SYT17: variants seen among roughly 807,000 people sequenced by gnomAD.
SYT17 encodes the protein synaptotagmin 17, also known as synaptotagmin-17.
Under a neutral mutation model 46.7 loss-of-function variants are expected in SYT17, and 22 were observed. The ratio of observed to expected loss-of-function variants is 0.47; its 90% CI spans 0.34 to 0.67. The LOEUF (loss-of-function observed/expected upper bound fraction) is 0.67. SYT17 is among the 30% of genes least tolerant of loss of function. SYT17 has a pLI of 0.01. For missense variants in SYT17, 519 were observed against 612.8 expected (o/e 0.85, Z 1.62); for synonymous variants, 251 against 248.4 (o/e 1.01, Z -0.10).
intron 7 of SYT17, among the ~76,000 whole-genome samples, chr16:19,231,971 AGAG>A (rs1966710240): frequency 6.6e-6 from 1 of 152,178 alleles, no homozygotes; most frequent in South Asian, 2.1e-4. Context: ...CTGTGGAGTG[AGAG>A]GAGCTGACAC....
rs1467320160 is a variant in SYT17 at position 19,184,157 on chromosome 16, G to A, written c.951+10G>A. On this transcript the variant is annotated intron_variant, in intron 5 of 7. Transcript: ENST00000355377. ...GATTCCCAGTTCTCAGGTAAGGGATGGGTTTGTGGTGTTTCCTCCTGGGAG... is the reference window on the plus strand; with the variant it reads ...GATTCCCAGTTCTCAGGTAAGGGATAGGTTTGTGGTGTTTCCTCCTGGGAG... 1 of 1,599,292 alleles carries A rather than the reference G, an allele frequency of 6.3e-7. No individual in the cohort carries two copies.
intron 1 of SYT17, chr16:19,172,452 A>G (rs936963378): frequency 2.1e-5 from 31 of 1,444,744 alleles, no homozygotes; most frequent in Non-Finnish European, 2.7e-5. Flanking sequence ...TAGCATGACT[A>G]TCTATCCGCC....
chr16:19,216,229 G>A (rs1018497074), intron 5 of SYT17, among the ~76,000 whole-genome samples: 1 of 151,966 alleles, frequency 6.6e-6, no homozygotes, highest in Admixed American at 6.6e-5. Context: ...AATATTTGCT[G>A]GACTAAATCC....
Position 19,183,425 on chromosome 16 carries a change from A to G in SYT17, c.332-103A>G. The G allele has an allele frequency of 1.4e-6, 2 of 1,469,048 alleles. No homozygotes were observed. Among genetic ancestry groups the G allele is most frequent in the Non-Finnish European group, 1.8e-6 (2 of 1,088,346 alleles). The allele number at this position is 1,469,048 out of a possible 1,614,324, so 91.0% of individuals were successfully genotyped here. On this transcript the variant is annotated intron_variant, in intron 4 of 7. Coordinates refer to ENST00000355377, the MANE Select transcript of SYT17 (RefSeq NM_016524.4). This position sits in a 1 kb window ranked among gnomAD's most constrained non-coding sequence, Gnocchi z 5.6. ...AGTGTGGAGAAAGATGGCAAAGGTC[A>G]TTCTGAAGCAGAGTAAACAATGCAA...
chr16:19,242,786 C>T (rs1967229747), intron 7 of SYT17, among the ~76,000 whole-genome samples: 1 of 152,130 alleles, frequency 6.6e-6, no homozygotes, highest in African/African-American at 2.4e-5. Context: ...GTCTCGGCCT[C>T]CCAAAGTCCT....
chr16:19,191,503 C>A (rs1359714900), intron 5 of SYT17, among the ~76,000 whole-genome samples: 2 of 152,158 alleles, frequency 1.3e-5, no homozygotes, highest in African/African-American at 2.4e-5. Context: ...TTCCCAGCCT[C>A]CAGAAGGGTG....
Position 19,173,377 on chromosome 16 carries a change from T to TTCC in SYT17, c.34-53_34-52insTCC. ...TTTCTCCTCTTCCTCTTCCCCACCC[T>TTCC]GCCCACCTCCCCTCTCCCCCATCCC... On this transcript the variant is annotated intron_variant, in intron 2 of 7. Coordinates refer to ENST00000355377, the MANE Select transcript of SYT17 (RefSeq NM_016524.4). The TTCC allele has an allele frequency of 3.0e-5, 4 of 133,944 alleles. No homozygotes were observed. The South Asian group carries it at 3.4e-4, about 11-fold the overall frequency. The allele number at this position is 133,944 out of a possible 1,614,324, so 8.3% of individuals were successfully genotyped here. A position where few individuals can be genotyped will look rare whatever the true frequency, so the allele number is the denominator to read the frequency against.
chr16:19,229,078 C>G lies in SYT17; in HGVS notation c.1228+4240C>G, dbSNP rs554410393. 3.0e-4 allele frequency among the ~76,000 whole-genome samples: 45 copies of G among 152,256 alleles called. No homozygotes were observed. In the South Asian group the frequency reaches 8.3e-3, roughly 28 times the overall value. ...AATTGCTTTTCACCGCCCAAGATAG[C>G]AACACACAGCCCAGAGGGCTTCCAG... On this transcript the variant is annotated intron_variant, in intron 7 of 7. Transcript: ENST00000355377.
intron 5 of SYT17, among the ~76,000 whole-genome samples, chr16:19,210,757 T>C (rs1965868909): frequency 6.6e-6 from 1 of 152,204 alleles, no homozygotes; most frequent in Non-Finnish European, 1.5e-5. Flanking sequence ...CAATAGACTT[T>C]ATCCAACCGG....
chr16:19,194,972 T>C (rs977437381), intron 5 of SYT17, among the ~76,000 whole-genome samples: 10 of 152,212 alleles, frequency 6.6e-5, no homozygotes, highest in African/African-American at 2.2e-4. Context: ...ATTGAACAAA[T>C]ATTGTGTAAA....
chr16:19,179,525 C>T (rs1395898608), intron 3 of SYT17, among the ~76,000 whole-genome samples: 1 of 152,164 alleles, frequency 6.6e-6, no homozygotes, highest in Non-Finnish European at 1.5e-5. Flanking sequence ...CCTTGGCCTC[C>T]CAAAATGCTG....
At chr16:19,237,611 G>C (rs1966866422) in intron 7 of SYT17, among the ~76,000 whole-genome samples, 2 of 152,196 alleles carry the variant, frequency 1.3e-5, no homozygotes, top group Admixed American at 6.5e-5. Flanking sequence ...TAGGTATAAA[G>C]GTGATTACAA....
At chr16:19,171,322 G>T (rs9938249) in intron 1 of SYT17, 4,531 of 68,046 alleles carry the variant, frequency 0.067, 240 homozygotes, top group African/African-American at 0.34. Context: ...TGATGATGAT[G>T]ATGATTATGA....
chr16:19,265,522 C>T (rs1396143859), intron 7 of SYT17, among the ~76,000 whole-genome samples: 4 of 152,188 alleles, frequency 2.6e-5, no homozygotes, highest in Non-Finnish European at 5.9e-5. Context: ...TGGTGTGAAA[C>T]CCACAGGGGA....
chr16:19,183,782 C>T lies in SYT17; in HGVS notation c.586C>T (p.Leu196=), dbSNP rs200981422. The change falls in exon 5 of 8, where the codon CTG becomes TTG. Residue 196 remains leucine, a synonymous_variant. Transcript: ENST00000355377. This position sits in a 1 kb window ranked among gnomAD's most constrained non-coding sequence, Gnocchi z 5.6. ...GCTGCACTTCAGCACTCAGTACGAC[C>T]TGCTGCACAACCACCTCACCGTGCG... ...GMLHFSTQYD[L]LHNHLTVRVI... is the part of the protein sequence containing the mutation. The T allele has an allele frequency of 1.2e-6, 2 of 1,614,114 alleles. No homozygotes were observed. Among genetic ancestry groups the T allele is most frequent in the South Asian group, 1.1e-5 (1 of 91,092 alleles).
At chr16:19,193,857 G>A (rs1965126746) in intron 5 of SYT17, among the ~76,000 whole-genome samples, 1 of 152,152 alleles carries the variant, frequency 6.6e-6, no homozygotes, top group South Asian at 2.1e-4. Flanking sequence ...TTAATTCCCT[G>A]GGCACCTCCA....
chr16:19,171,109 T>A (rs74609180), intron 1 of SYT17: 7,611 of 152,322 alleles, frequency 0.05, 260 homozygotes, highest in East Asian at 0.1. Context: ...AGGACTCTAG[T>A]ACTTCCTGGC....
intron 5 of SYT17, among the ~76,000 whole-genome samples, chr16:19,216,621 G>C (rs748163816): frequency 6.6e-6 from 1 of 152,120 alleles, no homozygotes; most frequent in Non-Finnish European, 1.5e-5. Context: ...TTATGAGTGA[G>C]AACATGCGGT....
At chr16:19,173,282 A>G (rs767012774) in intron 2 of SYT17, 148 bp from the exon 3 acceptor site, 2 of 591,764 alleles carry the variant, frequency 3.4e-6, no homozygotes, top group Non-Finnish European at 5.8e-6. Flanking sequence ...CTAAGTGCTG[A>G]GCAGCAGAGC....
Sources: gnomAD v4.1 joint callset for allele counts (sites outside exome capture counted in the v4.1 genomes callset) on GRCh38, gnomAD v4.1.1 for gene constraint, Gnocchi (gnomAD v3.1) non-coding constraint, MANE v1.5 for transcripts, NCBI Gene and HGNC (gene_info 2026-07-23, HGNC 2026-07-21) for gene names.